Variants in CDH3 observed in about 807,000 individuals in gnomAD.
CDH3 encodes the protein cadherin 3, also known as cadherin-3.
A neutral mutation model predicts 82.0 loss-of-function variants in CDH3; 54 were observed. That is an observed-to-expected ratio of 0.66 (90% CI 0.53 to 0.83). The LOEUF (loss-of-function observed/expected upper bound fraction) is 0.83. Among genes scored for constraint, CDH3 ranks in the 40% least tolerant of loss-of-function variants. CDH3 has a pLI of 0.00. For synonymous variants in CDH3, 446 were observed against 437.9 expected (o/e 1.02, Z -0.23); for missense variants, 1,054 against 1,084.6 (o/e 0.97, Z 0.40).
chr16:68,729,603 A>AT (rs1962261882), downstream of CDH3, among the ~76,000 whole-genome samples: 1 of 152,104 alleles, frequency 6.6e-6, no homozygotes, highest in South Asian at 2.1e-4. Flanking sequence ...CAAAAGTAAA[A>AT]TGTGGCTCTT....
intron 7 of CDH3, 131 bp from the exon 8 acceptor site, chr16:68,680,837 G>A: frequency 1.0e-6 from 1 of 995,848 alleles, no homozygotes; most frequent in South Asian, 1.3e-5. Context: ...GGGTGGTCAA[G>A]GAGTCAGCGT....
intron 9 of CDH3, among the ~76,000 whole-genome samples, chr16:68,683,885 T>A (rs1027391889): frequency 6.6e-6 from 1 of 150,422 alleles, no homozygotes; most frequent in African/African-American, 2.5e-5. Context: ...CTGGCCATCG[T>A]GGTGAAACCC....
chr16:68,674,326 A>G (rs2152098206), intron 2 of CDH3, among the ~76,000 whole-genome samples: 1 of 152,274 alleles, frequency 6.6e-6, no homozygotes. Flanking sequence ...GCCATTGTGT[A>G]TCTTCTCTGG....
At chr16:68,715,960 G>C (rs955064147) in intron 1 of CDH3, among the ~76,000 whole-genome samples, 2 of 152,118 alleles carry the variant, frequency 1.3e-5, no homozygotes, top group Non-Finnish European at 1.5e-5. Flanking sequence ...GGATTTCCTC[G>C]CAACATTGCT....
downstream of CDH3, among the ~76,000 whole-genome samples, chr16:68,702,109 G>A (rs943014083): frequency 5.9e-5 from 9 of 151,452 alleles, no homozygotes; most frequent in African/African-American, 1.7e-4. Flanking sequence ...GGCTGGTCTC[G>A]AACTTCTGAC....
intron 13 of CDH3, among the ~76,000 whole-genome samples, chr16:68,694,084 G>A (rs969740272): frequency 7.2e-5 from 11 of 151,848 alleles, no homozygotes; most frequent in Non-Finnish European, 1.0e-4. Flanking sequence ...GTGAAACCCC[G>A]TCTCTACTAA....
rs868125295 is a variant in CDH3, at chr16:68,699,909, G to A, written c.*1509G>A. 2.6e-5 allele frequency: 4 copies of A among 152,200 alleles called. No individual in the cohort carries two copies. The highest frequency in any genetic ancestry group is 4.4e-5 in the Non-Finnish European group (3 of 68,042). 9.4% of individuals were successfully genotyped at this position (152,200 alleles called of 1,614,324 possible). On this transcript the variant is annotated 3_prime_UTR_variant, in exon 16 of 16. Coordinates refer to ENST00000264012, the MANE Select transcript of CDH3 (RefSeq NM_001793.6). ...CATGGTCCATGCAATCTGTTAGTTG[G>A]TAACAGCTACCATTTATTCAGTACT...
chr16:68,661,448 G>C (rs1036006744), intron 2 of CDH3, among the ~76,000 whole-genome samples: 1 of 152,198 alleles, frequency 6.6e-6, no homozygotes, highest in Non-Finnish European at 1.5e-5. Context: ...CATGTAGTGA[G>C]TACATCAATG....
the CDH3 span, among the ~76,000 whole-genome samples, chr16:68,732,833 T>C: frequency 1.3e-5 from 2 of 152,272 alleles, no homozygotes; most frequent in East Asian, 3.9e-4. Context: ...AGAAAAGTCT[T>C]TCTCTAGAGC....
intron 2 of CDH3, among the ~76,000 whole-genome samples, chr16:68,726,688 C>T (rs1200217269): frequency 6.6e-6 from 1 of 151,294 alleles, no homozygotes; most frequent in African/African-American, 2.4e-5. Flanking sequence ...ACGCCATTCT[C>T]CTGCCTCAGC....
At chr16:68,714,975 C>G (rs915884663) in intron 1 of CDH3, among the ~76,000 whole-genome samples, 1 of 152,020 alleles carries the variant, frequency 6.6e-6, no homozygotes, top group Non-Finnish European at 1.5e-5. Context: ...CCACTGCACT[C>G]TAGCCTGGGC....
intron 2 of CDH3, among the ~76,000 whole-genome samples, chr16:68,656,585 G>C (rs1329043324): frequency 6.6e-6 from 1 of 152,148 alleles, no homozygotes; most frequent in Non-Finnish European, 1.5e-5. Flanking sequence ...GGAAACCTCG[G>C]CTTGTCACTT....
intron 1 of CDH3, among the ~76,000 whole-genome samples, chr16:68,706,569 T>C (rs1961967133): frequency 6.8e-6 from 1 of 146,334 alleles, no homozygotes; most frequent in African/African-American, 2.6e-5. Context: ...TTTTTTTTTT[T>C]TGAGACAGAG....
rs897650816 is a variant in CDH3 at position 68,682,587 on chromosome 16, A to G, written c.1182+100A>G. 29 of 1,125,906 alleles carry G rather than the reference A, an allele frequency of 2.6e-5. No individual in the cohort carries two copies. The African/African-American group carries it at 3.8e-4, about 15-fold the overall frequency. 69.7% of individuals were successfully genotyped at this position (1,125,906 alleles called of 1,614,324 possible). On this transcript the variant is annotated intron_variant, in intron 9 of 15. Transcript: ENST00000264012. The stretch of plus-strand genomic sequence containing the variant: ...CTGTCTACCGTGGGCTAGTCCAGGA[A>G]TCGTACCAGCCCAGTGGCTCCCAAC...
rs1305544771 is a variant in CDH3, at chr16:68,678,181, C to A, written c.294C>A (p.Ser98=). 32 of 1,613,700 alleles carry A rather than the reference C, an allele frequency of 2.0e-5. No individual in the cohort carries two copies. The highest frequency in any genetic ancestry group is 2.7e-5 in the Non-Finnish European group (32 of 1,179,718). The change falls in exon 4 of 16, where the codon TCC becomes TCA. Residue 98 remains serine (S), a synonymous_variant. Coordinates refer to ENST00000264012, the MANE Select transcript of CDH3 (RefSeq NM_001793.6). ...KERNPLKIFP[S]KRILRRHKRD... ...GGAATCCATTGAAGATCTTCCCATC[C>A]AAACGTATCTTACGAAGACACAAGA...
rs756242611 is a variant in CDH3, at chr16:68,681,081, G to A, written c.981G>A (p.Met327Ile). 6.2e-7 allele frequency: 1 copy of A among 1,614,046 alleles called. No homozygotes were observed. The highest frequency in any genetic ancestry group is 8.5e-7 in the Non-Finnish European group (1 of 1,180,016). ...TTGATGCCAATGACAATGCTCCCAT[G>A]TTTGACCCCCAGAAGGTAATGCCCC... ...EILDANDNAP[M>I]FDPQKYEAHV... Residue 327 changes from methionine to isoleucine, a missense_variant, in exon 8 of 16, where the codon ATG becomes ATA. Coordinates refer to ENST00000264012, the MANE Select transcript of CDH3 (RefSeq NM_001793.6).
chr16:68,733,514 A>G, the CDH3 span, among the ~76,000 whole-genome samples: 1 of 151,750 alleles, frequency 6.6e-6, no homozygotes, highest in East Asian at 2.0e-4. Context: ...AGGCTGAGGT[A>G]GGTGGATCAC....
At chr16:68,654,440 C>T (rs1391390969) in intron 2 of CDH3, among the ~76,000 whole-genome samples, 3 of 109,570 alleles carry the variant, frequency 2.7e-5, no homozygotes, top group East Asian at 2.8e-4. Context: ...CGTTGGCTCA[C>T]GCCTGTAATC....
rs184338475 is a variant in CDH3, at chr16:68,675,147, A to G, written c.161-1238A>G. Among the ~76,000 whole-genome samples, 813 of 152,270 alleles carry G rather than the reference A, an allele frequency of 5.3e-3. 9 individuals are homozygous for G. In the Middle Eastern group the frequency reaches 0.085, roughly 16 times the overall value. ...AAAAAAGTAAAAATTGAAAGAAAAA[A>G]AAAACCCTCATCTGTTATCCTTTCT... On this transcript the variant is annotated intron_variant, in intron 2 of 15. Coordinates refer to ENST00000264012, the MANE Select transcript of CDH3 (RefSeq NM_001793.6).
Sources: gnomAD v4.1 joint callset for allele counts (sites outside exome capture counted in the v4.1 genomes callset) on GRCh38, gnomAD v4.1.1 for gene constraint, MANE v1.5 for transcripts, NCBI Gene and HGNC (gene_info 2026-07-23, HGNC 2026-07-21) for gene names.